Variants in CUX1 observed in about 807,000 individuals in gnomAD.
The protein encoded by CUX1 is cut like homeobox 1, also known as protein CASP.
A neutral mutation model predicts 158.8 loss-of-function variants in CUX1; 31 were observed. That is an observed-to-expected ratio of 0.20 (90% CI 0.15 to 0.26). CUX1 has a LOEUF of 0.26. Ranked by LOEUF, CUX1 falls within the 10% of genes least tolerant of loss-of-function variation. The pLI, the probability that CUX1 is intolerant of heterozygous loss-of-function variation, is 1.00. For synonymous variants in CUX1, 879 were observed against 862.1 expected, an observed-to-expected ratio of 1.02 and a Z score of -0.34; for missense variants, 1,589 against 2,014.6, an observed-to-expected ratio of 0.79 and a Z score of 4.04.
chr7:102,195,686 T>C, intron 14 of CUX1, 83 bp downstream of exon 14: 1 of 1,258,978 alleles, frequency 7.9e-7, no homozygotes, highest in Non-Finnish European at 1.1e-6. Context: ...GAATCGTGAG[T>C]CTGGACAGAT....
At position 102,255,131 on chromosome 7, in the gene CUX1, ACCCT is replaced by A. The variant is rs1213851639; in HGVS notation, c.*6090_*6093del. On this transcript the variant is annotated 3_prime_UTR_variant, in exon 24 of 24. Coordinates refer to ENST00000292535, the MANE Select transcript of CUX1 (RefSeq NM_181552.4). Reference sequence around the variant, plus strand: ...GCCCCGGCGGCCTGTGCTCCTCACCACCCTGGTCAGGGGAATAGAAGGAAATGCA... The same window carrying A: ...GCCCCGGCGGCCTGTGCTCCTCACCAGGTCAGGGGAATAGAAGGAAATGCA... 49 of 985,058 alleles carry A rather than the reference ACCCT, an allele frequency of 5.0e-5. No individual in the cohort carries two copies. The highest frequency in any genetic ancestry group is 5.2e-5 in the Non-Finnish European group (43 of 829,930). The allele number at this position is 985,058 out of a possible 1,614,324, so 61.0% of individuals were successfully genotyped here.
At chr7:102,278,449 G>A (rs138157548) in intron 18 of CUX1, among the ~76,000 whole-genome samples, 5,176 of 151,870 alleles carry the variant, frequency 0.034, 104 homozygotes, top group Middle Eastern at 0.089. Context: ...AAAAGTATCC[G>A]GGCATGGTGG....
At chr7:101,860,397 T>C (rs1797314775) in intron 1 of CUX1, among the ~76,000 whole-genome samples, 1 of 152,194 alleles carries the variant, frequency 6.6e-6, no homozygotes, top group African/African-American at 2.4e-5. Context: ...CTCTAAAAGA[T>C]AATGTCACTT....
intron 5 of CUX1, among the ~76,000 whole-genome samples, chr7:102,098,941 G>A (rs1375640486): frequency 1.3e-5 from 2 of 150,320 alleles, no homozygotes; most frequent in East Asian, 3.9e-4. Context: ...TTACAGGCGT[G>A]AGCCACCGCA....
intron 13 of CUX1, among the ~76,000 whole-genome samples, 174 bp from the exon 14 acceptor site, chr7:102,195,333 A>T (rs1283073010): frequency 6.6e-6 from 1 of 152,194 alleles, no homozygotes; most frequent in African/African-American, 2.4e-5. Flanking sequence ...CTTGTTTTCC[A>T]CGTGTGTTAA....
At chr7:101,848,674 A>G (rs1335105788) in intron 1 of CUX1, among the ~76,000 whole-genome samples, 3 of 152,010 alleles carry the variant, frequency 2.0e-5, no homozygotes, top group Non-Finnish European at 4.4e-5. Context: ...AACCATAAGG[A>G]TCAGAAAAAT....
intron 2 of CUX1, among the ~76,000 whole-genome samples, chr7:102,013,203 A>C (rs1404183189): frequency 6.6e-6 from 1 of 152,100 alleles, no homozygotes; most frequent in African/African-American, 2.4e-5. Context: ...TGTGGCTGAG[A>C]CGTAGATCAA....
chr7:102,132,489 C>T (rs1180779314), intron 8 of CUX1, among the ~76,000 whole-genome samples: 2 of 151,646 alleles, frequency 1.3e-5, no homozygotes, highest in East Asian at 1.9e-4. Context: ...TATAGTCAGC[C>T]CCCTTCTGCT....
At chr7:101,859,014 T>G (rs1343065747) in intron 1 of CUX1, among the ~76,000 whole-genome samples, 2 of 152,210 alleles carry the variant, frequency 1.3e-5, no homozygotes, top group Non-Finnish European at 2.9e-5. Flanking sequence ...CGGTATTGTT[T>G]GGCTTTCTAG....
chr7:102,223,533 A>G (rs1426131995), intron 20 of CUX1, among the ~76,000 whole-genome samples: 2 of 152,154 alleles, frequency 1.3e-5, no homozygotes, highest in African/African-American at 2.4e-5. Context: ...TGTCTGTCCT[A>G]ACAGAACAAA....
intron 1 of CUX1, among the ~76,000 whole-genome samples, chr7:101,823,664 C>T (rs1200740706): frequency 3.3e-5 from 5 of 152,146 alleles, no homozygotes; most frequent in Non-Finnish European, 7.3e-5. Flanking sequence ...TTATAGATAC[C>T]TTTCTATTGG....
At position 101,835,311 on chromosome 7, in the gene CUX1, C is replaced by T. The variant is rs377367075; in HGVS notation, c.30+17642C>T. Among the ~76,000 whole-genome samples the T allele has an allele frequency of 2.4e-4, 36 of 152,330 alleles. No homozygotes were observed. The East Asian group carries it at 6.9e-3, about 29-fold the overall frequency. On this transcript the variant is annotated intron_variant, in intron 1 of 23. Transcript: ENST00000292535. ...TTTGCGGGGCTCACCCACATTGACT[C>T]ATGCACCTGTCTGGGCCGCATTCTT...
chr7:101,843,635 G>C (rs1225674169), intron 1 of CUX1, among the ~76,000 whole-genome samples: 2 of 151,798 alleles, frequency 1.3e-5, no homozygotes, highest in Admixed American at 1.3e-4. Flanking sequence ...TCAACTGCCT[G>C]GAGTAGGGAT....
At position 101,887,759 on chromosome 7, in the gene CUX1, T is replaced by C. The variant is rs1800380874; in HGVS notation, c.31-28356T>C. ...TCAGTAAAGCACCATCCTCTGGGAG[T>C]GGCTGTCATACGACATTTCTTGCTT... On this transcript the variant is annotated intron_variant, in intron 1 of 23. Transcript: ENST00000292535. 5.3e-5 allele frequency among the ~76,000 whole-genome samples: 8 copies of C among 151,486 alleles called. No homozygotes were observed. In the South Asian group the frequency reaches 1.7e-3, roughly 32 times the overall value.
intron 1 of CUX1, among the ~76,000 whole-genome samples, chr7:101,823,390 C>T (rs913437515): frequency 6.6e-6 from 1 of 152,212 alleles, no homozygotes; most frequent in African/African-American, 2.4e-5. Context: ...GGTTCTGCTT[C>T]CTTTCATGAA....
rs938771140 is a variant in CUX1, at chr7:102,256,960, C to T, written c.*7918C>T. ...ACCAGGCTGTGGCTTGAGGGCTCAC[C>T]TAGGAGATCATAGGCAGAGGGCCCC... is the stretch of plus-strand genomic sequence containing the variant. On this transcript the variant is annotated 3_prime_UTR_variant, in exon 24 of 24. Coordinates refer to ENST00000292535, the MANE Select transcript of CUX1 (RefSeq NM_181552.4). 13 of 985,294 alleles carry T rather than the reference C, an allele frequency of 1.3e-5. No homozygotes were observed. The African/African-American group carries it at 1.9e-4, about 15-fold the overall frequency. The allele number at this position is 985,294 out of a possible 1,614,324, so 61.0% of individuals were successfully genotyped here.
At chr7:101,817,352 GCGGGTGCGCTCGGAGATGCCTTCTCGGGC>G, upstream of CUX1, 3 of 984,866 alleles carry the variant, frequency 3.0e-6, no homozygotes, top group Non-Finnish European at 3.6e-6. This position sits in a 1 kb window ranked among gnomAD's most constrained non-coding sequence, Gnocchi z 4.1. Flanking sequence ...GGAGCGCGCG[GCGGGTGCGCTCGGAGATGCCTTCTCGGGC>G]CGGGTTCTCG....
intron 8 of CUX1, among the ~76,000 whole-genome samples, chr7:102,146,687 T>C (rs1434074183): frequency 6.6e-6 from 1 of 152,054 alleles, no homozygotes; most frequent in Non-Finnish European, 1.5e-5. Flanking sequence ...AACTTCCACC[T>C]CCCAGGTTCA....
In CUX1 at chr7:101,876,340, AAC is replaced by A. The variant is rs201093983; in HGVS notation, c.31-39773_31-39772del. ...AGCCTGGGCGACAGATTAAAAAAAA[AAC>A]AAAAAAAAAACCTGATTTGCAACAA... On this transcript the variant is annotated intron_variant, in intron 1 of 23. Transcript: ENST00000292535. Among the ~76,000 whole-genome samples, 497 of 129,974 alleles carry A rather than the reference AAC, an allele frequency of 3.8e-3. 12 individuals are homozygous for A. Among genetic ancestry groups the A allele is most frequent in the East Asian group, 0.024 (122 of 5,014 alleles). 85.3% of individuals were successfully genotyped at this position (129,974 alleles called of 152,430 possible).
Sources: allele counts gnomAD v4.1 joint callset (sites outside exome capture counted in the v4.1 genomes callset), GRCh38; gene constraint gnomAD v4.1.1; non-coding constraint Gnocchi (gnomAD v3.1); transcripts MANE v1.5; gene names NCBI Gene and HGNC (gene_info 2026-07-23, HGNC 2026-07-21).